Variants in ZFP64 observed in about 807,000 individuals in gnomAD.
The protein encoded by ZFP64 is ZFP64 zinc finger protein.
Under a neutral mutation model 51.6 loss-of-function variants are expected in ZFP64, and 14 were observed. The ratio of observed to expected loss-of-function variants is 0.27; its 90% CI spans 0.18 to 0.42. The LOEUF is 0.42. ZFP64 is among the 10% of genes least tolerant of loss of function. ZFP64 has a pLI of 1.00. For synonymous variants in ZFP64, 375 were observed against 361.4 expected, an observed-to-expected ratio of 1.04 and a Z score of -0.43; for missense variants, 754 against 906.8, an observed-to-expected ratio of 0.83 and a Z score of 2.16.
rs1353761254 is a variant in ZFP64, at chr20:52,143,711, T to A, written c.763+16412A>T. Among the ~76,000 whole-genome samples, 3 of 141,296 alleles carry A rather than the reference T, an allele frequency of 2.1e-5. 1 individual carries two copies. The highest frequency in any genetic ancestry group is 4.9e-4 in the East Asian group (2 of 4,048). The allele number at this position is 141,296 out of a possible 152,430, so 92.7% of individuals were successfully genotyped here. ...CCACCACACCCGGCCAATTTTTTTT[T>A]TTATTATTAATAGTATTTGTAGAGA... On this transcript the variant is annotated intron_variant, in intron 5 of 8. Coordinates refer to the ZFP64 transcript ENST00000361387.
chr20:52,149,059 C>T (rs1439395054), downstream of ZFP64, among the ~76,000 whole-genome samples: 2 of 152,088 alleles, frequency 1.3e-5, no homozygotes, highest in Non-Finnish European at 2.9e-5. Context: ...TCAACCAGCC[C>T]TATGCAGAGA....
In ZFP64 at chr20:52,191,615, C is replaced by G. The variant is rs1229450188; in HGVS notation, c.22G>C (p.Glu8Gln). The G allele has an allele frequency of 1.3e-6, 2 of 1,589,664 alleles. No homozygotes were observed. The highest frequency in any genetic ancestry group is 3.3e-4 in the Middle Eastern group (2 of 6,010). MNASSEG[E>Q]SFAGSVQIPG... ...CTTTGCACCGAGCCCGCGAAGCTCT[C>G]GCCCTCGCTGCTCGCGTTCATGGCC... is the stretch of plus-strand genomic sequence containing the variant. Residue 8 changes from glutamate (E) to glutamine (Q), a missense_variant, in exon 1 of 6, where the codon GAG becomes CAG. Glu to Gln is a conservative substitution (Grantham distance 29). Transcript: ENST00000216923. The surrounding 1 kb of genome is among the most constrained non-coding windows in gnomAD (Gnocchi z 4.3).
Position 52,175,956 on chromosome 20 carries a change from A to G in ZFP64, c.287-9931T>C, listed in dbSNP as rs1230102542. 1.1e-5 allele frequency: 11 copies of G among 984,362 alleles called. No homozygotes were observed. The African/African-American group carries it at 1.2e-4, about 11-fold the overall frequency. The allele number at this position is 984,362 out of a possible 1,614,324, so 61.0% of individuals were successfully genotyped here. ...TTCCCAAACGGCCTTTACCGTCCAC[A>G]GTGGGCGTTAGACCGGCCCAAATGT... On this transcript the variant is annotated intron_variant, in intron 2 of 5. Transcript: ENST00000216923.
chr20:52,175,577 G>A (rs556518503), intron 2 of ZFP64, among the ~76,000 whole-genome samples: 22 of 152,244 alleles, frequency 1.4e-4, no homozygotes, highest in Non-Finnish European at 2.9e-4. Context: ...GGGCATGGCG[G>A]CTCACGCCTG....
At chr20:52,105,142 C>A (rs1408239393) in intron 5 of ZFP64, 2 of 1,433,774 alleles carry the variant, frequency 1.4e-6, no homozygotes, top group East Asian at 2.7e-5. Flanking sequence ...CCGGCTCCCC[C>A]GCCACCTGCG....
chr20:52,110,425 G>T, intron 5 of ZFP64: 3 of 592,778 alleles, frequency 5.1e-6, no homozygotes, highest in Non-Finnish European at 9.2e-6. Context: ...CCTTCTTCCC[G>T]TCACTCAACT....
At chr20:52,128,012 G>T (rs1979528312) in intron 5 of ZFP64, among the ~76,000 whole-genome samples, 1 of 152,148 alleles carries the variant, frequency 6.6e-6, no homozygotes, top group Non-Finnish European at 1.5e-5. Context: ...TTGGCTCTGG[G>T]CTGTGGTTTG....
chr20:52,144,163 G>A (rs1312749995), intron 5 of ZFP64, among the ~76,000 whole-genome samples: 1 of 143,288 alleles, frequency 7.0e-6, no homozygotes, highest in African/African-American at 2.5e-5. Context: ...TTTAACACAG[G>A]TGAAGGCATA....
chr20:52,186,611 T>C (rs1040782325), intron 2 of ZFP64, among the ~76,000 whole-genome samples: 2 of 152,180 alleles, frequency 1.3e-5, no homozygotes, highest in African/African-American at 2.4e-5. Context: ...CTGTTTTTTT[T>C]GTAACGTGAC....
intron 5 of ZFP64, among the ~76,000 whole-genome samples, chr20:52,108,988 A>G (rs1978405365): frequency 6.6e-6 from 1 of 151,824 alleles, no homozygotes; most frequent in Non-Finnish European, 1.5e-5. Flanking sequence ...TTTCAATCCC[A>G]TTTGCCTATT....
At chr20:52,183,894 G>T (rs1166989237) in intron 2 of ZFP64, among the ~76,000 whole-genome samples, 1 of 152,152 alleles carries the variant, frequency 6.6e-6, no homozygotes. Flanking sequence ...CACTCACTCT[G>T]TTGCCCAGTG....
At chr20:52,090,706 G>T (rs2078915075) in intron 7 of ZFP64, among the ~76,000 whole-genome samples, 1 of 151,972 alleles carries the variant, frequency 6.6e-6, no homozygotes, top group Non-Finnish European at 1.5e-5. Flanking sequence ...GGCTGAGGCA[G>T]GAGAATGGCT....
At chr20:52,141,311 G>T (rs929179434) in intron 5 of ZFP64, among the ~76,000 whole-genome samples, 5 of 152,138 alleles carry the variant, frequency 3.3e-5, no homozygotes, top group Admixed American at 2.6e-4. Context: ...TTCCTCTGAT[G>T]CATCTGGGCA....
downstream of ZFP64, among the ~76,000 whole-genome samples, chr20:52,150,424 G>A (rs551305624): frequency 4.6e-5 from 7 of 152,236 alleles, no homozygotes; most frequent in Admixed American, 6.5e-5. Flanking sequence ...CCATGACAAT[G>A]GAAGTTTCCC....
At chr20:52,167,841 T>A (rs1258268281) in intron 2 of ZFP64, among the ~76,000 whole-genome samples, 1 of 152,182 alleles carries the variant, frequency 6.6e-6, no homozygotes, top group African/African-American at 2.4e-5. Flanking sequence ...ACATCACTGT[T>A]TATTTTAGCT....
downstream of ZFP64, among the ~76,000 whole-genome samples, chr20:52,148,873 A>G (rs1806969391): frequency 6.6e-6 from 1 of 152,216 alleles, no homozygotes; most frequent in Non-Finnish European, 1.5e-5. Context: ...CTAACTACAG[A>G]AAAAGACAGT....
At chr20:52,178,758 C>T (rs915601113) in intron 2 of ZFP64, among the ~76,000 whole-genome samples, 4 of 152,028 alleles carry the variant, frequency 2.6e-5, no homozygotes, top group African/African-American at 7.2e-5. Flanking sequence ...CTTTCAAAGC[C>T]GGTTATACAT....
At chr20:52,149,227 C>T (rs993190709), downstream of ZFP64, among the ~76,000 whole-genome samples, 1 of 141,152 alleles carries the variant, frequency 7.1e-6, no homozygotes, top group East Asian at 2.2e-4. Flanking sequence ...TATGCAAGTA[C>T]AAACTATGGA....
intron 5 of ZFP64, among the ~76,000 whole-genome samples, chr20:52,136,301 A>G (rs1216330177): frequency 6.6e-6 from 1 of 152,096 alleles, no homozygotes; most frequent in African/African-American, 2.4e-5. Context: ...GAGCCATAAA[A>G]TCTGAGATAT....
Sources: allele counts gnomAD v4.1 joint callset (sites outside exome capture counted in the v4.1 genomes callset), GRCh38; gene constraint gnomAD v4.1.1; non-coding constraint Gnocchi (gnomAD v3.1); transcripts MANE v1.5; gene names NCBI Gene and HGNC (gene_info 2026-07-23, HGNC 2026-07-21).